The following TRIM2 variants were observed in gnomAD, a reference collection of about 807,000 sequenced individuals.
The protein encoded by TRIM2 is tripartite motif-containing protein 2.
A neutral mutation model predicts 75.2 loss-of-function variants in TRIM2; 20 were observed. The observed-to-expected ratio is 0.27, with a 90% CI of 0.19 to 0.39. The LOEUF (loss-of-function observed/expected upper bound fraction) is 0.39, where lower values mean the gene tolerates loss of function less well. Among genes scored for constraint, TRIM2 ranks in the 10% least tolerant of loss-of-function variants. The pLI, the probability that TRIM2 is intolerant of heterozygous loss-of-function variation, is 1.00. For missense variants in TRIM2, 660 were observed against 990.8 expected, an observed-to-expected ratio of 0.67 and a Z score of 4.48; for synonymous variants, 373 against 388.3, an observed-to-expected ratio of 0.96 and a Z score of 0.46.
At chr4:153,198,483 C>T (rs1036107066) in intron 1 of TRIM2, among the ~76,000 whole-genome samples, 2 of 152,156 alleles carry the variant, frequency 1.3e-5, no homozygotes, top group African/African-American at 4.8e-5. Flanking sequence ...CGAGACCTCC[C>T]CAGCCATGTG....
In TRIM2 at chr4:153,336,346, TCAAAAAAAAAAA is replaced by T. The variant is rs1273773657; in HGVS notation, c.*1392_*1403del. The T allele has an allele frequency of 2.5e-4, 239 of 938,104 alleles. No homozygotes were observed. Among genetic ancestry groups the T allele is most frequent in the South Asian group, 1.4e-3 (28 of 19,900 alleles). 58.1% of individuals were successfully genotyped at this position (938,104 alleles called of 1,614,324 possible). ...AGTCAGAAAATGGCCTTCTGTGCTT[TCAAAAAAAAAAA>T]CAAAAAAAAAACCACACACACACAT... On this transcript the variant is annotated 3_prime_UTR_variant, in exon 12 of 12. Transcript: ENST00000338700.
At chr4:153,172,919 G>A (rs1731030599) in intron 1 of TRIM2, among the ~76,000 whole-genome samples, 1 of 152,190 alleles carries the variant, frequency 6.6e-6, no homozygotes, top group Admixed American at 6.5e-5. Context: ...CATGAATGTG[G>A]GAGGTAGAAG....
At chr4:153,232,791 T>C (rs1165336983) in intron 1 of TRIM2, among the ~76,000 whole-genome samples, 1 of 152,226 alleles carries the variant, frequency 6.6e-6, no homozygotes, top group East Asian at 1.9e-4. Context: ...TCCTTTCTCC[T>C]TTGTACCTGA....
chr4:153,203,934 C>G (rs1734748771), upstream of TRIM2, among the ~76,000 whole-genome samples: 1 of 150,688 alleles, frequency 6.6e-6, no homozygotes, highest in African/African-American at 2.5e-5. Flanking sequence ...AAAGATGTGC[C>G]AATCAAACAA....
intron 1 of TRIM2, among the ~76,000 whole-genome samples, chr4:153,166,529 C>T (rs1418306589): frequency 7.0e-6 from 1 of 141,980 alleles, no homozygotes; most frequent in African/African-American, 2.6e-5. Flanking sequence ...TTCCTTCCTT[C>T]CTTCCTTTTC....
At chr4:153,206,686 T>A (rs1735538698) in intron 1 of TRIM2, among the ~76,000 whole-genome samples, 1 of 152,066 alleles carries the variant, frequency 6.6e-6, no homozygotes, top group Non-Finnish European at 1.5e-5. Context: ...CTTTGCTCCC[T>A]GGAAACAGGG....
chr4:153,155,530 T>A (rs768343397), intron 1 of TRIM2, among the ~76,000 whole-genome samples: 3 of 152,122 alleles, frequency 2.0e-5, no homozygotes, highest in Non-Finnish European at 4.4e-5. Flanking sequence ...TTCGTTACTG[T>A]CAAATGTGTG....
At chr4:153,309,421 A>G (rs1765756175) in intron 6 of TRIM2, among the ~76,000 whole-genome samples, 2 of 152,216 alleles carry the variant, frequency 1.3e-5, no homozygotes, top group Non-Finnish European at 2.9e-5. Context: ...TGAAAGTGCT[A>G]TAAATATAAT....
At chr4:153,171,078 T>G (rs1314652879) in intron 1 of TRIM2, among the ~76,000 whole-genome samples, 1 of 152,226 alleles carries the variant, frequency 6.6e-6, no homozygotes, top group Non-Finnish European at 1.5e-5. Flanking sequence ...TTGCTAGCCT[T>G]AGGACCGAGG....
At chr4:153,294,569 G>C in intron 5 of TRIM2, 84 bp downstream of exon 5, 1 of 1,389,904 alleles carries the variant, frequency 7.2e-7, no homozygotes, top group Non-Finnish European at 9.9e-7. Flanking sequence ...AGCAACAAGG[G>C]GTCCTTAAGT....
chr4:153,160,928 G>A (rs1391523259), intron 1 of TRIM2, among the ~76,000 whole-genome samples: 2 of 152,108 alleles, frequency 1.3e-5, no homozygotes, highest in Non-Finnish European at 2.9e-5. Flanking sequence ...TTTTAAAAAG[G>A]GGAGGGGAGG....
chr4:153,288,354 T>A (rs529064798), intron 3 of TRIM2, among the ~76,000 whole-genome samples: 1 of 152,294 alleles, frequency 6.6e-6, no homozygotes, highest in African/African-American at 2.4e-5. Flanking sequence ...GGAGAATCGC[T>A]TGAACTTGGG....
At chr4:153,192,475 T>C (rs1159734643) in intron 1 of TRIM2, among the ~76,000 whole-genome samples, 2 of 151,254 alleles carry the variant, frequency 1.3e-5, no homozygotes, top group African/African-American at 4.9e-5. Flanking sequence ...GGCATAGTGG[T>C]GGGCGCCAGT....
intron 1 of TRIM2, among the ~76,000 whole-genome samples, chr4:153,170,545 C>A (rs754746854): frequency 1.4e-4 from 22 of 152,118 alleles, no homozygotes; most frequent in Admixed American, 2.0e-4. Context: ...GCCACAGCAA[C>A]CCCCAAACAC....
chr4:153,309,983 G>T (rs1765896612), intron 6 of TRIM2: 1 of 152,066 alleles, frequency 6.6e-6, no homozygotes, highest in Admixed American at 6.6e-5. Flanking sequence ...TGCATTTATT[G>T]ATCCCCTATT....
chr4:153,294,630 A>AT lies in TRIM2; in HGVS notation c.786+151dup, dbSNP rs375976093. 297 of 898,902 alleles carry AT rather than the reference A, an allele frequency of 3.3e-4. 4 individuals are homozygous for AT. In the African/African-American group the frequency reaches 4.6e-3, roughly 14 times the overall value. 55.7% of individuals were successfully genotyped at this position (898,902 alleles called of 1,614,324 possible). Reference sequence around the variant, plus strand: ...TTTTCACTGAATGTAATATCCAGCTATTTTTTCCCCTATTTTCAGCAAAAT... The same window carrying AT: ...TTTTCACTGAATGTAATATCCAGCTATTTTTTTCCCCTATTTTCAGCAAAAT... On this transcript the variant is annotated intron_variant, in intron 5 of 11. Coordinates refer to ENST00000338700, the MANE Select transcript of TRIM2 (RefSeq NM_015271.5).
rs114215188 is a variant in TRIM2 at position 153,254,265 on chromosome 4, G to A, written c.31-16070G>A. On this transcript the variant is annotated intron_variant, in intron 1 of 11. Transcript: ENST00000338700. ...ATACAGGGTCAGTAAATACTGGATC[G>A]CTATCTCTCATGCTCCTGCCAATCC... is the stretch of plus-strand genomic sequence containing the variant. Among the ~76,000 whole-genome samples the A allele has an allele frequency of 6.1e-3, 933 of 152,268 alleles. 10 individuals are homozygous for A. Among genetic ancestry groups the A allele is most frequent in the African/African-American group, 0.022 (895 of 41,540 alleles).
chr4:153,245,131 G>A (rs895339952), intron 1 of TRIM2, among the ~76,000 whole-genome samples: 3 of 152,248 alleles, frequency 2.0e-5, no homozygotes, highest in Admixed American at 6.5e-5. Flanking sequence ...GTCAGGAGCA[G>A]CTTGCCTCCA....
intron 1 of TRIM2, among the ~76,000 whole-genome samples, chr4:153,153,448 G>A (rs1398430323): frequency 6.6e-6 from 1 of 152,170 alleles, no homozygotes; most frequent in Non-Finnish European, 1.5e-5. Context: ...CGCTGGCGAG[G>A]AGGCGACAGC....
Sources: allele counts gnomAD v4.1 joint callset (sites outside exome capture counted in the v4.1 genomes callset), GRCh38; gene constraint gnomAD v4.1.1; transcripts MANE v1.5; gene names NCBI Gene and HGNC (gene_info 2026-07-23, HGNC 2026-07-21).